NUP210L: variants seen among roughly 807,000 people sequenced by gnomAD.
The protein encoded by NUP210L is nuclear pore membrane glycoprotein 210-like.
A neutral mutation model predicts 208.5 loss-of-function variants in NUP210L; 74 were observed. The observed-to-expected ratio is 0.35, with a 90% CI of 0.29 to 0.43. The LOEUF (loss-of-function observed/expected upper bound fraction) is 0.43. Ranked by LOEUF, NUP210L falls within the 20% of genes least tolerant of loss-of-function variation. The probability of loss-of-function intolerance (pLI) is 1.00; values close to 1 mark genes in which losing one functional copy is unlikely to be tolerated. For missense variants in NUP210L, 1,843 were observed against 2,289.4 expected (o/e 0.81, Z 3.98); for synonymous variants, 780 against 816.9 (o/e 0.95, Z 0.77).
chr1:154,143,201 C>CAA (rs34172314), intron 3 of NUP210L, among the ~76,000 whole-genome samples: 69 of 123,412 alleles, frequency 5.6e-4, no homozygotes, highest in Non-Finnish European at 6.3e-4. Flanking sequence ...TCCCCCTGCC[C>CAA]AAAAAAAAAA....
chr1:154,064,864 C>G (rs1654318766), intron 17 of NUP210L, among the ~76,000 whole-genome samples: 1 of 151,938 alleles, frequency 6.6e-6, no homozygotes, highest in African/African-American at 2.4e-5. Context: ...CACTTGAGGT[C>G]AAGAGTTCGA....
intron 21 of NUP210L, 128 bp from the exon 22 acceptor site, chr1:154,058,344 A>C: frequency 1.8e-6 from 2 of 1,108,636 alleles, no homozygotes; most frequent in Non-Finnish European, 1.3e-6. Flanking sequence ...TCAATCAAAT[A>C]AGCTTAATCT....
chr1:154,061,181 C>T (rs1442609890), intron 18 of NUP210L, 135 bp from the exon 19 acceptor site: 2 of 582,812 alleles, frequency 3.4e-6, no homozygotes, highest in Non-Finnish European at 6.0e-6. Context: ...AGTTTGAGAC[C>T]AGCTTGGCTA....
chr1:154,054,257 C>G, exon 25 of NUP210L: 1 of 1,614,186 alleles, frequency 6.2e-7, no homozygotes, highest in Non-Finnish European at 8.5e-7. Flanking sequence ...TTGCCAGTAT[C>G]TTCATTTACT....
chr1:154,146,026 G>T (rs1659093922), intron 2 of NUP210L, among the ~76,000 whole-genome samples: 1 of 152,086 alleles, frequency 6.6e-6, no homozygotes, highest in Admixed American at 6.6e-5. Context: ...AAACCGCTGA[G>T]ATTACAGGCA....
intron 2 of NUP210L, among the ~76,000 whole-genome samples, chr1:154,144,127 G>A (rs1571325843): frequency 6.6e-6 from 1 of 152,088 alleles, no homozygotes; most frequent in South Asian, 2.1e-4. Flanking sequence ...GTTGTAGGGA[G>A]TCGAGATCAC....
rs1193066436 is a variant in NUP210L, at chr1:154,075,789, T to C, written c.2362-5324A>G. On this transcript the variant is annotated intron_variant, in intron 16 of 39. Coordinates refer to ENST00000368559, the Ensembl canonical transcript of NUP210L. ...TTGAGCTTACAAGGCAAATACTTCT[T>C]TTTTTTTTTTCCTTTTTTGAGATGG... 2.0e-5 allele frequency among the ~76,000 whole-genome samples: 3 copies of C among 148,578 alleles called. No homozygotes were observed. In the South Asian group the frequency reaches 6.4e-4, roughly 32 times the overall value.
At chr1:154,145,044 G>A (rs1026594002) in intron 2 of NUP210L, among the ~76,000 whole-genome samples, 3 of 151,860 alleles carry the variant, frequency 2.0e-5, no homozygotes, top group Admixed American at 1.3e-4. Flanking sequence ...GGAGGCAGAG[G>A]TTACAGTGAG....
intron 15 of NUP210L, among the ~76,000 whole-genome samples, chr1:154,092,131 A>C (rs1045635523): frequency 2.1e-5 from 3 of 144,520 alleles, no homozygotes; most frequent in Non-Finnish European, 4.5e-5. Context: ...GCTGGAGTGC[A>C]GTGGCATGAT....
At chr1:154,055,055 C>T (rs1302839694) in intron 23 of NUP210L, among the ~76,000 whole-genome samples, 2 of 152,134 alleles carry the variant, frequency 1.3e-5, no homozygotes, top group Non-Finnish European at 2.9e-5. Context: ...TGTGCACCAC[C>T]ATGCCTGACT....
At chr1:154,113,404 T>A (rs1657145348) in intron 12 of NUP210L, among the ~76,000 whole-genome samples, 1 of 151,940 alleles carries the variant, frequency 6.6e-6, no homozygotes, top group South Asian at 2.1e-4. Flanking sequence ...CTTTAAAGCA[T>A]CTAACTCCAT....
intron 16 of NUP210L, chr1:154,079,985 A>G (rs1433233169): frequency 1.3e-5 from 2 of 152,254 alleles, no homozygotes; most frequent in Non-Finnish European, 2.9e-5. Flanking sequence ...GCTAAGTAAA[A>G]TATCATTCAC....
At chr1:154,146,584 T>G in intron 2 of NUP210L, among the ~76,000 whole-genome samples, 1 of 146,404 alleles carries the variant, frequency 6.8e-6, no homozygotes, top group East Asian at 2.0e-4. Context: ...GTGAGCTGAG[T>G]CCATGCCACT....
chr1:154,066,986 G>A (rs1654455914), intron 17 of NUP210L, among the ~76,000 whole-genome samples: 1 of 152,168 alleles, frequency 6.6e-6, no homozygotes, highest in Non-Finnish European at 1.5e-5. Flanking sequence ...GGACCAGACG[G>A]ATTCACAGCT....
chr1:153,995,027 A>G (rs1649744021), intron 38 of NUP210L, 49 bp downstream of exon 38: 1 of 1,209,660 alleles, frequency 8.3e-7, no homozygotes, highest in Non-Finnish European at 1.2e-6. Context: ...AAAAAAAAAA[A>G]AGGCAGTTTT....
At chr1:154,048,478 G>A (rs546319198) in intron 25 of NUP210L, among the ~76,000 whole-genome samples, 27 of 152,292 alleles carry the variant, frequency 1.8e-4, no homozygotes, top group African/African-American at 5.1e-4. Flanking sequence ...GTGTATGCCC[G>A]AAGTGTAAAA....
chr1:154,090,182 C>G (rs1378882542), intron 15 of NUP210L, among the ~76,000 whole-genome samples: 2 of 150,902 alleles, frequency 1.3e-5, no homozygotes, highest in Non-Finnish European at 2.9e-5. Flanking sequence ...AGTTCAAGAC[C>G]AGCTTGAGCA....
intron 12 of NUP210L, among the ~76,000 whole-genome samples, chr1:154,109,292 A>G (rs992486971): frequency 6.6e-6 from 1 of 151,636 alleles, no homozygotes; most frequent in Non-Finnish European, 1.5e-5. Context: ...AAAAAGAGAA[A>G]AAGAAGGCCA....
chr1:154,081,259 C>T (rs1655310164), intron 16 of NUP210L, among the ~76,000 whole-genome samples: 1 of 149,982 alleles, frequency 6.7e-6, no homozygotes, highest in African/African-American at 2.4e-5. Flanking sequence ...ATCATGCAAA[C>T]AGTAGCCAAA....
Sources: allele counts gnomAD v4.1 joint callset (sites outside exome capture counted in the v4.1 genomes callset), GRCh38; gene constraint gnomAD v4.1.1; transcripts MANE v1.5; gene names NCBI Gene and HGNC (gene_info 2026-07-23, HGNC 2026-07-21).